ELOVL5: variants seen among roughly 807,000 people sequenced by gnomAD.
The protein encoded by ELOVL5 is ELOVL fatty acid elongase 5.
ELOVL5 carries 8 observed loss-of-function variants against 38.6 expected under a neutral mutation model. The ratio of observed to expected loss-of-function variants is 0.21; its 90% CI spans 0.12 to 0.37. The LOEUF is 0.37. ELOVL5 is among the 10% of genes least tolerant of loss of function. The pLI is 1.00. For missense variants in ELOVL5, 280 were observed against 367.8 expected, an observed-to-expected ratio of 0.76 and a Z score of 1.95; for synonymous variants, 127 against 133.7, an observed-to-expected ratio of 0.95 and a Z score of 0.34.
chr6:53,271,639 T>C (rs772111702), intron 6 of ELOVL5, among the ~76,000 whole-genome samples: 30 of 152,288 alleles, frequency 2.0e-4, no homozygotes, highest in Non-Finnish European at 4.1e-4. Flanking sequence ...TTTTTGTTTT[T>C]AATTTTTGAG....
chr6:53,329,737 T>C (rs945153173), intron 1 of ELOVL5, among the ~76,000 whole-genome samples: 21 of 152,086 alleles, frequency 1.4e-4, no homozygotes, highest in African/African-American at 4.8e-4. Flanking sequence ...GGCAGGAGAA[T>C]TGCTGGAACT....
chr6:53,322,669 T>C (rs1768346856), intron 1 of ELOVL5, among the ~76,000 whole-genome samples: 1 of 152,192 alleles, frequency 6.6e-6, no homozygotes, highest in African/African-American at 2.4e-5. Context: ...ATTAAAATCC[T>C]CACGAGGACA....
At chr6:53,306,237 AGGGAGAGGGGAGAGGGGAGAGGGAGAG>A (rs1767546174) in intron 1 of ELOVL5, among the ~76,000 whole-genome samples, 1 of 7,472 alleles carries the variant, frequency 1.3e-4, no homozygotes, top group Non-Finnish European at 2.1e-4. Context: ...GAGAGGGGAG[AGGGAGAGGGGAGAGGGGAGAGGGAGAG>A]GGGAGAGGGG....
intron 2 of ELOVL5, among the ~76,000 whole-genome samples, chr6:53,292,709 T>A (rs1027526019): frequency 2.6e-5 from 4 of 152,138 alleles, no homozygotes; most frequent in Admixed American, 6.5e-5. Context: ...GAGAATCGCT[T>A]GAAATTGGGA....
intron 1 of ELOVL5, among the ~76,000 whole-genome samples, chr6:53,332,330 T>C (rs1768839838): frequency 6.6e-6 from 1 of 152,306 alleles, no homozygotes; most frequent in East Asian, 1.9e-4. Flanking sequence ...TTGGTAGGCA[T>C]AAAAACTGAG....
In ELOVL5 at chr6:53,267,513, T is replaced by C. The variant is rs74843119; in HGVS notation, c.*1614A>G. On this transcript the variant is annotated 3_prime_UTR_variant, in exon 8 of 8. Transcript: ENST00000304434. ...ACTATTGAATGTTATAGTTTCTGTA[T>C]TGAAATATGTAAAGACATCTGCAAA... The C allele has an allele frequency of 6.6e-6, 1 of 152,620 alleles. No individual in the cohort carries two copies. Among genetic ancestry groups the C allele is most frequent in the Non-Finnish European group, 1.5e-5 (1 of 68,032 alleles). The allele number at this position is 152,620 out of a possible 1,614,324, so 9.5% of individuals were successfully genotyped here.
intron 1 of ELOVL5, among the ~76,000 whole-genome samples, chr6:53,323,084 T>C (rs1173241469): frequency 6.6e-6 from 1 of 152,206 alleles, no homozygotes; most frequent in Non-Finnish European, 1.5e-5. Context: ...TGTTGGAAAA[T>C]GGGATTCAAA....
rs543823302 is a variant in ELOVL5 at position 53,331,705 on chromosome 6, C to G, written c.-9+17112G>C. 2.6e-5 allele frequency among the ~76,000 whole-genome samples: 4 copies of G among 152,250 alleles called. No individual in the cohort carries two copies. In the South Asian group the frequency reaches 8.3e-4, roughly 32 times the overall value. ...ACACCGAGTTTAAAAATCTAACACT[C>G]AAAATATTTGAAGTTTGTTAAAATG... On this transcript the variant is annotated intron_variant, in intron 1 of 7. Transcript: ENST00000304434.
chr6:53,322,043 T>C (rs1183520707), intron 1 of ELOVL5, among the ~76,000 whole-genome samples: 1 of 152,194 alleles, frequency 6.6e-6, no homozygotes, highest in Non-Finnish European at 1.5e-5. Flanking sequence ...TTTTAAAACC[T>C]CTAAGAAGTA....
chr6:53,318,210 A>C (rs1015313670), intron 1 of ELOVL5, among the ~76,000 whole-genome samples: 2 of 152,218 alleles, frequency 1.3e-5, no homozygotes, highest in African/African-American at 4.8e-5. Flanking sequence ...AAATATGGAA[A>C]GTAGAGAAAA....
chr6:53,291,710 T>G, intron 3 of ELOVL5, 66 bp downstream of exon 3: 2 of 1,354,944 alleles, frequency 1.5e-6, no homozygotes, highest in Non-Finnish European at 2.0e-6. Flanking sequence ...CATTTAGGAA[T>G]ACAATTTAGG....
chr6:53,317,722 C>T (rs756636730), intron 1 of ELOVL5, among the ~76,000 whole-genome samples: 11 of 151,140 alleles, frequency 7.3e-5, no homozygotes, highest in Non-Finnish European at 1.5e-4. Context: ...TGCAGCATAC[C>T]AGCATGGCAC....
rs1769183295 is a variant in ELOVL5 at position 53,338,577 on chromosome 6, T to C, written c.-9+10240A>G. Among the ~76,000 whole-genome samples the C allele has an allele frequency of 6.6e-5, 10 of 152,240 alleles. No homozygotes were observed. In the South Asian group the frequency reaches 2.1e-3, roughly 32 times the overall value. On this transcript the variant is annotated intron_variant, in intron 1 of 7. Coordinates refer to ENST00000304434, the MANE Select transcript of ELOVL5 (RefSeq NM_021814.5). Reference sequence around the variant, plus strand: ...TAGAGAAGACAATCAATGGCCAAGGTAGGTAACAGACACCAAGATACTACA... The same window carrying C: ...TAGAGAAGACAATCAATGGCCAAGGCAGGTAACAGACACCAAGATACTACA...
chr6:53,309,798 G>A (rs1002849544), intron 1 of ELOVL5, among the ~76,000 whole-genome samples: 1 of 152,186 alleles, frequency 6.6e-6, no homozygotes, highest in Non-Finnish European at 1.5e-5. Context: ...AATGTGGCAG[G>A]AAATAGGCCA....
intron 2 of ELOVL5, 92 bp from the exon 3 acceptor site, chr6:53,292,055 C>T (rs1007550194): frequency 3.2e-5 from 23 of 717,476 alleles, no homozygotes; most frequent in Admixed American, 2.2e-4. Flanking sequence ...ATATAAAAGT[C>T]ACCTGGTATT....
At chr6:53,270,553 A>C (rs1450619198) in intron 7 of ELOVL5, 40 bp downstream of exon 7, 6 of 1,609,382 alleles carry the variant, frequency 3.7e-6, no homozygotes, top group Non-Finnish European at 4.2e-6. Flanking sequence ...TTGTTGGTAA[A>C]GGCCCCAGAT....
At position 53,275,301 on chromosome 6, in the gene ELOVL5, G is replaced by A. The variant is rs143712160; in HGVS notation, c.325-40C>T. The A allele has an allele frequency of 2.3e-3, 3,629 of 1,592,868 alleles. 7 individuals are homozygous for A. Among genetic ancestry groups the A allele is most frequent in the Non-Finnish European group, 2.8e-3 (3,302 of 1,161,836 alleles). On this transcript the variant is annotated intron_variant, in intron 4 of 7. Transcript: ENST00000304434. ...TCAAAGATTTAAGGCTTATCCTCAC[G>A]GCTTCTCTGGAATATCACCTCTGAC...
chr6:53,345,934 T>C (rs188075959), intron 1 of ELOVL5, among the ~76,000 whole-genome samples: 12 of 152,340 alleles, frequency 7.9e-5, no homozygotes, highest in Admixed American at 7.2e-4. Context: ...GCGATACATG[T>C]GCTGAACGTG....
rs2294863 is a variant in ELOVL5 at position 53,275,962 on chromosome 6, G to A, written c.324+217C>T. 0.36 allele frequency among the ~76,000 whole-genome samples: 55,362 copies of A among 152,016 alleles called. 11,202 individuals carry two copies. Among genetic ancestry groups the A allele is most frequent in the African/African-American group, 0.55 (22,953 of 41,438 alleles). ...TGATTTTTCCTGCCAATTGTTAACC[G>A]GAGTTATTTTTACAGAGGGGGATGC... On this transcript the variant is annotated intron_variant, in intron 4 of 7. Coordinates refer to ENST00000304434, the MANE Select transcript of ELOVL5 (RefSeq NM_021814.5).
Sources: allele counts gnomAD v4.1 joint callset (sites outside exome capture counted in the v4.1 genomes callset), GRCh38; gene constraint gnomAD v4.1.1; transcripts MANE v1.5; gene names NCBI Gene and HGNC (gene_info 2026-07-23, HGNC 2026-07-21).